Variants in ROBO2 observed in about 807,000 individuals in gnomAD.
ROBO2 encodes roundabout guidance receptor 2.
ROBO2 carries 53 observed loss-of-function variants against 160.8 expected under a neutral mutation model. The observed-to-expected ratio is 0.33, with a 90% CI of 0.26 to 0.41. ROBO2 has a LOEUF of 0.41. ROBO2 is among the 10% of genes least tolerant of loss of function. The probability of loss-of-function intolerance (pLI) is 1.00; values close to 1 mark genes in which losing one functional copy is unlikely to be tolerated. For synonymous variants in ROBO2, 664 were observed against 611.7 expected (o/e 1.09, Z -1.26); for missense variants, 1,577 against 1,722.4 (o/e 0.92, Z 1.49).
intron 2 of ROBO2, among the ~76,000 whole-genome samples, chr3:76,770,496 G>T (rs2061834315): frequency 6.6e-6 from 1 of 151,066 alleles, no homozygotes; most frequent in Admixed American, 6.6e-5. Flanking sequence ...ACAGTTGAGG[G>T]TATTACAAAG....
intron 2 of ROBO2, among the ~76,000 whole-genome samples, chr3:76,077,342 C>G (rs1439359847): frequency 6.6e-6 from 1 of 152,026 alleles, no homozygotes; most frequent in African/African-American, 2.4e-5. Flanking sequence ...GTGGGTGGAT[C>G]ACTTGAGGTC....
chr3:76,788,481 A>G (rs1346333984), intron 2 of ROBO2, among the ~76,000 whole-genome samples: 1 of 151,532 alleles, frequency 6.6e-6, no homozygotes, highest in Admixed American at 6.6e-5. Context: ...TTTATAATCT[A>G]ATAAAAAGAA....
chr3:77,203,007 T>A (rs1245559743), intron 2 of ROBO2, among the ~76,000 whole-genome samples: 1 of 152,206 alleles, frequency 6.6e-6, no homozygotes, highest in African/African-American at 2.4e-5. Flanking sequence ...CACAGGAATG[T>A]AGCTGGATTG....
chr3:76,075,952 A>G (rs1481100782), intron 2 of ROBO2, among the ~76,000 whole-genome samples: 1 of 152,198 alleles, frequency 6.6e-6, no homozygotes, highest in Non-Finnish European at 1.5e-5. Flanking sequence ...GAGCTGTCCA[A>G]TTCCATATTC....
intron 2 of ROBO2, among the ~76,000 whole-genome samples, chr3:77,305,642 C>T (rs546958192): frequency 6.6e-6 from 1 of 152,296 alleles, no homozygotes; most frequent in African/African-American, 2.4e-5. Context: ...AGGAAACCTT[C>T]TCAGCCTGAA....
chr3:76,998,358 G>A (rs373805136), intron 2 of ROBO2, among the ~76,000 whole-genome samples: 1 of 152,068 alleles, frequency 6.6e-6, no homozygotes, highest in African/African-American at 2.4e-5. Context: ...GAAAGAGAGG[G>A]AGAAAGAGAG....
At chr3:76,688,184 C>G (rs2092723378) in intron 2 of ROBO2, among the ~76,000 whole-genome samples, 2 of 151,842 alleles carry the variant, frequency 1.3e-5, no homozygotes, top group Admixed American at 1.3e-4. Flanking sequence ...ATATATTATG[C>G]TGGTTGGCAA....
chr3:77,102,653 T>C (rs540583720), intron 2 of ROBO2, among the ~76,000 whole-genome samples: 34 of 152,298 alleles, frequency 2.2e-4, no homozygotes, highest in Admixed American at 5.9e-4. Flanking sequence ...TGGAATGTTA[T>C]TGATAACCAT....
At chr3:77,607,028 A>T (rs192257365) in intron 20 of ROBO2, among the ~76,000 whole-genome samples, 28 of 152,302 alleles carry the variant, frequency 1.8e-4, no homozygotes, top group Admixed American at 1.8e-3. Context: ...TATTTTTTAT[A>T]TTTCATTAAG....
chr3:77,494,680 G>A (rs1210745527), intron 5 of ROBO2, among the ~76,000 whole-genome samples: 1 of 152,206 alleles, frequency 6.6e-6, no homozygotes, highest in Non-Finnish European at 1.5e-5. Context: ...TACCTTTTAT[G>A]TGCTTTCACT....
At chr3:77,275,041 T>C (rs1238174644) in intron 2 of ROBO2, among the ~76,000 whole-genome samples, 1 of 152,146 alleles carries the variant, frequency 6.6e-6, no homozygotes, top group Non-Finnish European at 1.5e-5. Flanking sequence ...TAGATTCATA[T>C]TGCAGCTAGA....
intron 2 of ROBO2, among the ~76,000 whole-genome samples, chr3:77,378,044 C>A (rs1030979399): frequency 6.6e-6 from 1 of 152,130 alleles, no homozygotes; most frequent in Admixed American, 6.5e-5. Flanking sequence ...CTGTTGAATT[C>A]TTTAAATGGT....
At chr3:76,241,097 C>T (rs1281520629) in intron 2 of ROBO2, among the ~76,000 whole-genome samples, 1 of 152,148 alleles carries the variant, frequency 6.6e-6, no homozygotes, top group Admixed American at 6.5e-5. Context: ...ATCTCATTTA[C>T]ATTTCATTAA....
At chr3:77,124,485 C>T (rs1340533990) in intron 2 of ROBO2, among the ~76,000 whole-genome samples, 1 of 152,036 alleles carries the variant, frequency 6.6e-6, no homozygotes, top group Non-Finnish European at 1.5e-5. Flanking sequence ...ATAGATATTT[C>T]GAAGACCATC....
At chr3:77,155,112 C>G (rs1188269294) in intron 2 of ROBO2, among the ~76,000 whole-genome samples, 2 of 151,880 alleles carry the variant, frequency 1.3e-5, no homozygotes, top group African/African-American at 2.4e-5. Context: ...AATGAAATTA[C>G]TGGACGTATG....
At chr3:77,155,052 AAAAT>A (rs752547824) in intron 2 of ROBO2, among the ~76,000 whole-genome samples, 171 of 151,428 alleles carry the variant, frequency 1.1e-3, no homozygotes, top group African/African-American at 2.2e-3. Context: ...TAAATTTGGG[AAAAT>A]AAATAAATAA....
intron 1 of ROBO2, among the ~76,000 whole-genome samples, chr3:75,925,354 C>T (rs569138457): frequency 2.0e-5 from 3 of 152,130 alleles, no homozygotes; most frequent in East Asian, 2.0e-4. Context: ...TATGCCACTG[C>T]GCTCCAGTGT....
chr3:77,603,322 C>T (rs1032263118), intron 20 of ROBO2, among the ~76,000 whole-genome samples: 7 of 151,852 alleles, frequency 4.6e-5, no homozygotes, highest in South Asian at 2.1e-4. Context: ...CATTAAAGAA[C>T]GAGTAAAGAG....
At chr3:76,654,928 T>C (rs2091432244) in intron 2 of ROBO2, among the ~76,000 whole-genome samples, 1 of 143,938 alleles carries the variant, frequency 6.9e-6, no homozygotes, top group Admixed American at 7.0e-5. Flanking sequence ...TATATATATA[T>C]TTATATATAT....
Sources: allele counts gnomAD v4.1 joint callset (sites outside exome capture counted in the v4.1 genomes callset), GRCh38; gene constraint gnomAD v4.1.1; transcripts MANE v1.5; gene names NCBI Gene and HGNC (gene_info 2026-07-23, HGNC 2026-07-21).